The following SCMH1 variants were observed in gnomAD, a reference collection of about 807,000 sequenced individuals.
The protein encoded by SCMH1 is Scm polycomb group protein homolog 1, also known as polycomb protein SCMH1.
SCMH1 carries 37 observed loss-of-function variants against 70.8 expected under a neutral mutation model. That is an observed-to-expected ratio of 0.52 (90% CI 0.40 to 0.69). The LOEUF is 0.69. Ranked by LOEUF, SCMH1 falls within the 30% of genes least tolerant of loss-of-function variation. SCMH1 has a pLI of 0.00. For synonymous variants in SCMH1, 292 were observed against 307.4 expected, an observed-to-expected ratio of 0.95 and a Z score of 0.52; for missense variants, 607 against 827.3, an observed-to-expected ratio of 0.73 and a Z score of 3.27.
intron 1 of SCMH1, among the ~76,000 whole-genome samples, chr1:41,197,943 T>C (rs1653421181): frequency 6.6e-6 from 1 of 152,218 alleles, no homozygotes; most frequent in African/African-American, 2.4e-5. Flanking sequence ...TGTTACTATC[T>C]ATACATAGCA....
chr1:41,225,975 C>T (rs528830634), intron 1 of SCMH1, among the ~76,000 whole-genome samples: 3 of 152,146 alleles, frequency 2.0e-5, no homozygotes, highest in Non-Finnish European at 4.4e-5. Flanking sequence ...GAGGCAGAGT[C>T]CACCCTGCCT....
intron 1 of SCMH1, among the ~76,000 whole-genome samples, chr1:41,192,567 T>C (rs1651982912): frequency 6.6e-6 from 1 of 151,398 alleles, no homozygotes. Flanking sequence ...ACTCAGTCAA[T>C]GTTAATTTAT....
chr1:41,045,089 G>C (rs1438922310), intron 12 of SCMH1, among the ~76,000 whole-genome samples: 16 of 152,186 alleles, frequency 1.1e-4, no homozygotes, highest in Admixed American at 9.8e-4. Flanking sequence ...CAGAGTTCCT[G>C]AATGCCTAAC....
intron 1 of SCMH1, among the ~76,000 whole-genome samples, chr1:41,238,499 A>G (rs971639825): frequency 6.6e-6 from 1 of 152,144 alleles, no homozygotes; most frequent in Non-Finnish European, 1.5e-5. Flanking sequence ...ATCTGGCTAT[A>G]TAACTCTCTA....
At chr1:41,125,141 A>C (rs1215216476) in intron 6 of SCMH1, among the ~76,000 whole-genome samples, 1 of 152,196 alleles carries the variant, frequency 6.6e-6, no homozygotes, top group South Asian at 2.1e-4. Flanking sequence ...TTTACCTAAT[A>C]GTTTAAGCAT....
chr1:41,059,092 T>C lies in SCMH1; in HGVS notation c.1106-10202A>G, dbSNP rs560314534. Among the ~76,000 whole-genome samples the C allele has an allele frequency of 8.5e-4, 130 of 152,344 alleles. 1 individual carries two copies. Among genetic ancestry groups the C allele is most frequent in the African/African-American group, 2.7e-3 (113 of 41,576 alleles). ...TGGGGATCTGGCTAATGCGTAATGC[T>C]AGTAACAGCTATTCACCTGGAAGAT... On this transcript the variant is annotated intron_variant, in intron 10 of 14. Coordinates refer to ENST00000337495, the Ensembl canonical transcript of SCMH1.
chr1:41,109,452 T>C (rs1668740609), intron 8 of SCMH1, among the ~76,000 whole-genome samples: 4 of 152,178 alleles, frequency 2.6e-5, no homozygotes, highest in Admixed American at 2.6e-4. Flanking sequence ...GTGAAATGAA[T>C]TGAGTAACCA....
At chr1:41,223,119 G>A (rs1410246821) in intron 1 of SCMH1, among the ~76,000 whole-genome samples, 5 of 152,158 alleles carry the variant, frequency 3.3e-5, no homozygotes, top group Non-Finnish European at 7.3e-5. Flanking sequence ...GTTTTGAAAT[G>A]GGCAAGAGAG....
chr1:41,102,190 T>C (rs1260478826), intron 8 of SCMH1, among the ~76,000 whole-genome samples: 1 of 152,146 alleles, frequency 6.6e-6, no homozygotes, highest in Non-Finnish European at 1.5e-5. Context: ...TGTGTGTGTG[T>C]CTACATGGCA....
At chr1:41,083,728 C>T (rs974011320) in intron 8 of SCMH1, among the ~76,000 whole-genome samples, 2 of 152,158 alleles carry the variant, frequency 1.3e-5, no homozygotes, top group Non-Finnish European at 2.9e-5. Flanking sequence ...TCAAACAATA[C>T]TACAAGGCTA....
chr1:41,064,267 A>G (rs987047615), intron 10 of SCMH1, among the ~76,000 whole-genome samples: 26 of 152,222 alleles, frequency 1.7e-4, no homozygotes, highest in Non-Finnish European at 2.9e-4. Context: ...AACATCTACA[A>G]AAAACCTAGA....
chr1:41,103,015 C>T lies in SCMH1; in HGVS notation c.745+10268G>A, dbSNP rs117677296. The stretch of plus-strand genomic sequence containing the variant: ...TGCCAGGTTTTTCTCATCTTCTTAA[C>T]ATATATGAATGTTTATGTTTTGTTT... On this transcript the variant is annotated intron_variant, in intron 8 of 14. Transcript: ENST00000337495. 2.2e-4 allele frequency among the ~76,000 whole-genome samples: 33 copies of T among 152,094 alleles called. No homozygotes were observed. In the East Asian group the frequency reaches 5.2e-3, roughly 24 times the overall value.
At chr1:41,216,197 T>A (rs570117312) in intron 1 of SCMH1, among the ~76,000 whole-genome samples, 21 of 152,342 alleles carry the variant, frequency 1.4e-4, no homozygotes, top group African/African-American at 5.0e-4. Context: ...GTGCCATGGA[T>A]AAGCCTTCTT....
At chr1:41,069,966 T>TCA (rs1201111166) in intron 10 of SCMH1, among the ~76,000 whole-genome samples, 1 of 152,210 alleles carries the variant, frequency 6.6e-6, no homozygotes, top group Non-Finnish European at 1.5e-5. Context: ...ATGGAGTGTC[T>TCA]GCTGAGTAAC....
chr1:41,181,830 C>T (rs1648861498), intron 2 of SCMH1, among the ~76,000 whole-genome samples: 1 of 152,088 alleles, frequency 6.6e-6, no homozygotes, highest in African/African-American at 2.4e-5. Context: ...ACCATTTGAC[C>T]CAGCAATCCC....
At chr1:41,102,680 GA>G (rs1044550705) in intron 8 of SCMH1, among the ~76,000 whole-genome samples, 17 of 152,190 alleles carry the variant, frequency 1.1e-4, no homozygotes, top group Admixed American at 9.8e-4. Context: ...TCATATTACT[GA>G]AACTAAAAGG....
At chr1:41,184,265 T>G (rs1649586990) in intron 2 of SCMH1, among the ~76,000 whole-genome samples, 1 of 152,206 alleles carries the variant, frequency 6.6e-6, no homozygotes, top group African/African-American at 2.4e-5. Flanking sequence ...TTTTCATATA[T>G]TCCATCTCAG....
At chr1:41,141,772 A>T (rs921427801) in intron 6 of SCMH1, among the ~76,000 whole-genome samples, 1 of 152,258 alleles carries the variant, frequency 6.6e-6, no homozygotes, top group Non-Finnish European at 1.5e-5. Context: ...AACTAACTGC[A>T]ATGTGAGGAT....
At chr1:41,170,962 C>T (rs1646746598) in intron 2 of SCMH1, among the ~76,000 whole-genome samples, 1 of 152,174 alleles carries the variant, frequency 6.6e-6, no homozygotes, top group Admixed American at 6.5e-5. Flanking sequence ...ATATTAAAAA[C>T]TTAACATGAC....
Sources: allele counts gnomAD v4.1 joint callset (sites outside exome capture counted in the v4.1 genomes callset), GRCh38; gene constraint gnomAD v4.1.1; transcripts MANE v1.5; gene names NCBI Gene and HGNC (gene_info 2026-07-23, HGNC 2026-07-21).